CEP85L: variants seen among roughly 807,000 people sequenced by gnomAD.
The protein encoded by CEP85L is centrosomal protein of 85 kDa-like.
In CEP85L, 60 loss-of-function variants were observed where a neutral mutation model predicts 100.3. The ratio of observed to expected loss-of-function variants is 0.60; its 90% CI spans 0.49 to 0.74. The LOEUF (loss-of-function observed/expected upper bound fraction) is 0.74, where lower values mean the gene tolerates loss of function less well. CEP85L is among the 30% of genes least tolerant of loss of function. The probability of loss-of-function intolerance (pLI) is 0.00; values close to 1 mark genes in which losing one functional copy is unlikely to be tolerated. For synonymous variants in CEP85L, 319 were observed against 322.7 expected (o/e 0.99, Z 0.12); for missense variants, 973 against 936.2 (o/e 1.04, Z -0.51).
chr6:118,533,988 G>A (rs1437010649), intron 3 of CEP85L, among the ~76,000 whole-genome samples: 3 of 151,842 alleles, frequency 2.0e-5, no homozygotes, highest in East Asian at 2.0e-4. Context: ...CCAGCTACTC[G>A]GGAGGCTGAG....
intron 2 of CEP85L, among the ~76,000 whole-genome samples, chr6:118,630,896 T>C (rs1774103048): frequency 6.6e-6 from 1 of 152,170 alleles, no homozygotes; most frequent in Non-Finnish European, 1.5e-5. Flanking sequence ...ATGCAAGGGA[T>C]ATAGGTTGTG....
intron 1 of CEP85L, among the ~76,000 whole-genome samples, chr6:118,703,322 C>A (rs1322970547): frequency 6.6e-6 from 1 of 152,084 alleles, no homozygotes; most frequent in African/African-American, 2.4e-5. Context: ...GATATACCAA[C>A]CCTTTCATAA....
chr6:118,626,500 T>C (rs1462299679), intron 2 of CEP85L, among the ~76,000 whole-genome samples: 1 of 152,210 alleles, frequency 6.6e-6, no homozygotes, highest in East Asian at 1.9e-4. Context: ...TAAGTCGCAA[T>C]TTCAGATTTT....
chr6:118,562,674 T>G (rs1779293503), intron 3 of CEP85L, among the ~76,000 whole-genome samples: 2 of 152,174 alleles, frequency 1.3e-5, no homozygotes, highest in Admixed American at 1.3e-4. Context: ...ATTTTTTGTT[T>G]ATACAAGGGA....
intron 2 of CEP85L, among the ~76,000 whole-genome samples, chr6:118,587,537 G>C (rs1243977350): frequency 6.6e-6 from 1 of 152,126 alleles, no homozygotes; most frequent in Non-Finnish European, 1.5e-5. Flanking sequence ...TGGAAGTACC[G>C]ATGGGAGTGG....
chr6:118,564,709 A>T (rs1779402592), intron 3 of CEP85L, among the ~76,000 whole-genome samples: 1 of 151,592 alleles, frequency 6.6e-6, no homozygotes. Context: ...CCAATTTTAC[A>T]TTTTTACTCT....
intron 1 of CEP85L, among the ~76,000 whole-genome samples, chr6:118,680,666 C>T (rs890789310): frequency 1.3e-5 from 2 of 152,060 alleles, no homozygotes; most frequent in East Asian, 1.9e-4. Context: ...AGCTTCAGCC[C>T]AGGAGTTGGA....
At chr6:118,624,262 A>G (rs1773641714) in intron 2 of CEP85L, among the ~76,000 whole-genome samples, 1 of 152,124 alleles carries the variant, frequency 6.6e-6, no homozygotes. Context: ...GAGTCCTTAT[A>G]CTGTTTCATC....
intron 3 of CEP85L, among the ~76,000 whole-genome samples, chr6:118,542,440 A>C (rs536065686): frequency 6.6e-6 from 1 of 152,294 alleles, no homozygotes; most frequent in South Asian, 2.1e-4. Context: ...CATGTTTAAC[A>C]AAATTAGCTA....
intron 2 of CEP85L, among the ~76,000 whole-genome samples, chr6:118,627,733 G>C (rs1773895022): frequency 6.6e-6 from 1 of 152,136 alleles, no homozygotes; most frequent in Non-Finnish European, 1.5e-5. Context: ...CTCCAGAAAA[G>C]GGAAGATAAA....
At chr6:118,668,124 T>C (rs1200078578) in intron 1 of CEP85L, among the ~76,000 whole-genome samples, 3 of 152,322 alleles carry the variant, frequency 2.0e-5, no homozygotes, top group Non-Finnish European at 2.9e-5. Context: ...TTCTGACTTT[T>C]AGGAAGACAG....
At position 118,461,782 on chromosome 6, in the gene CEP85L, T is replaced by C. The variant is rs949619569; in HGVS notation, c.*3623A>G. The C allele has an allele frequency of 1.3e-5, 2 of 152,040 alleles. No individual in the cohort carries two copies. Among genetic ancestry groups the C allele is most frequent in the African/African-American group, 2.4e-5 (1 of 41,434 alleles). 9.4% of individuals were successfully genotyped at this position (152,040 alleles called of 1,614,324 possible). On this transcript the variant is annotated 3_prime_UTR_variant, in exon 13 of 13. Transcript: ENST00000368491. ...ACATGAATTGTCAAAAATGGAAACA[T>C]GGCAGTTTCAAATGATATAGTCTGA...
At chr6:118,564,325 A>T (rs1344641721) in intron 3 of CEP85L, among the ~76,000 whole-genome samples, 1 of 152,246 alleles carries the variant, frequency 6.6e-6, no homozygotes, top group Non-Finnish European at 1.5e-5. Flanking sequence ...AGCTGGAGAA[A>T]CAACTGCCTG....
intron 1 of CEP85L, among the ~76,000 whole-genome samples, chr6:118,683,590 A>G (rs2114269184): frequency 6.6e-6 from 1 of 152,360 alleles, no homozygotes; most frequent in Non-Finnish European, 1.5e-5. Flanking sequence ...GACAAAGACC[A>G]TAATGTTCTT....
intron 1 of CEP85L, among the ~76,000 whole-genome samples, chr6:118,664,027 C>G (rs1433764372): frequency 6.6e-6 from 1 of 151,186 alleles, no homozygotes; most frequent in Non-Finnish European, 1.5e-5. Context: ...TCCCGAATAG[C>G]TGAGATTACA....
In CEP85L at chr6:118,538,944, T is replaced by C. The variant is rs186480728; in HGVS notation, c.1021-15024A>G. ...AATTAATGATATAATTGACAATTTA[T>C]GAAACAGGTATCTATGAAACTGAAA... On this transcript the variant is annotated intron_variant, in intron 3 of 12. Transcript: ENST00000368491. Among the ~76,000 whole-genome samples, 328 of 152,190 alleles carry C rather than the reference T, an allele frequency of 2.2e-3. 2 individuals are homozygous for C. The highest frequency in any genetic ancestry group is 7.4e-3 in the African/African-American group (307 of 41,548).
chr6:118,675,392 T>C (rs1306593647), intron 1 of CEP85L, among the ~76,000 whole-genome samples: 1 of 151,994 alleles, frequency 6.6e-6, no homozygotes, highest in East Asian at 1.9e-4. Context: ...TTGTGGATGA[T>C]GAAAATGTTC....
chr6:118,527,555 A>T (rs1400289172), intron 3 of CEP85L, among the ~76,000 whole-genome samples: 2 of 152,308 alleles, frequency 1.3e-5, no homozygotes, highest in African/African-American at 4.8e-5. Flanking sequence ...CTCTCTACTT[A>T]ATGAAACTCC....
At chr6:118,474,081 AGG>A (rs1446223225) in intron 10 of CEP85L, among the ~76,000 whole-genome samples, 3 of 152,224 alleles carry the variant, frequency 2.0e-5, no homozygotes, top group Non-Finnish European at 4.4e-5. Flanking sequence ...TGACAGTGTG[AGG>A]AGCTCCACAG....
Sources: gnomAD v4.1 joint callset for allele counts (sites outside exome capture counted in the v4.1 genomes callset) on GRCh38, gnomAD v4.1.1 for gene constraint, MANE v1.5 for transcripts, NCBI Gene and HGNC (gene_info 2026-07-23, HGNC 2026-07-21) for gene names.